Variants in VWA8 observed in about 807,000 individuals in gnomAD.
VWA8 encodes the protein von Willebrand factor A domain containing 8.
Under a neutral mutation model 241.5 loss-of-function variants are expected in VWA8, and 221 were observed. The observed-to-expected ratio is 0.91, with a 90% CI of 0.82 to 1.02. VWA8 has a LOEUF of 1.02. Ranked by LOEUF, VWA8 falls within the 50% of genes least tolerant of loss-of-function variation. The pLI, the probability that VWA8 is intolerant of heterozygous loss-of-function variation, is 0.00. For missense variants in VWA8, 2,322 were observed against 2,328.7 expected, an observed-to-expected ratio of 1.00 and a Z score of 0.06; for synonymous variants, 852 against 827.1, an observed-to-expected ratio of 1.03 and a Z score of -0.52.
At chr13:41,958,938 C>T (rs1371537959) in intron 1 of VWA8, among the ~76,000 whole-genome samples, 1 of 152,172 alleles carries the variant, frequency 6.6e-6, no homozygotes, top group Non-Finnish European at 1.5e-5. Flanking sequence ...ACTTTAAAAA[C>T]TCACACCCAC....
chr13:41,782,364 T>C (rs1341935834), intron 19 of VWA8, among the ~76,000 whole-genome samples: 1 of 152,102 alleles, frequency 6.6e-6, no homozygotes, highest in African/African-American at 2.4e-5. Flanking sequence ...TCTCTTTGTC[T>C]CTTTGTTCTT....
At chr13:41,903,996 G>A (rs548143553) in intron 4 of VWA8, among the ~76,000 whole-genome samples, 1 of 152,266 alleles carries the variant, frequency 6.6e-6, no homozygotes, top group African/African-American at 2.4e-5. Flanking sequence ...AATAACAGAT[G>A]CTCATCAGAA....
At chr13:41,933,036 G>A (rs935518054) in intron 2 of VWA8, among the ~76,000 whole-genome samples, 1 of 151,844 alleles carries the variant, frequency 6.6e-6, no homozygotes, top group African/African-American at 2.4e-5. Context: ...GATTGGAAAG[G>A]AAAAAGTAGA....
At chr13:41,707,835 C>T (rs1305023907) in intron 26 of VWA8, among the ~76,000 whole-genome samples, 1 of 152,104 alleles carries the variant, frequency 6.6e-6, no homozygotes, top group Non-Finnish European at 1.5e-5. Flanking sequence ...TCCCAAGTGC[C>T]AATTCAAATG....
intron 13 of VWA8, among the ~76,000 whole-genome samples, chr13:41,831,578 T>C (rs542536335): frequency 6.6e-6 from 1 of 151,562 alleles, no homozygotes; most frequent in Non-Finnish European, 1.5e-5. Context: ...AGACCAATTA[T>C]ATCAGAAAAT....
intron 24 of VWA8, among the ~76,000 whole-genome samples, chr13:41,725,310 G>A (rs1451361563): frequency 1.3e-5 from 2 of 152,140 alleles, no homozygotes; most frequent in African/African-American, 4.8e-5. Flanking sequence ...ATTGGATTTG[G>A]TGTAGTAGAG....
intron 14 of VWA8, among the ~76,000 whole-genome samples, chr13:41,825,000 C>G (rs1016109224): frequency 6.6e-6 from 1 of 152,010 alleles, no homozygotes; most frequent in Non-Finnish European, 1.5e-5. Flanking sequence ...ACCCTGGGAG[C>G]TACCAATTTA....
intron 36 of VWA8, among the ~76,000 whole-genome samples, chr13:41,674,300 C>T (rs1338280350): frequency 1.3e-5 from 2 of 152,106 alleles, no homozygotes; most frequent in African/African-American, 4.8e-5. Flanking sequence ...TTTTGGGTGA[C>T]TGACAGATTC....
chr13:41,946,139 T>C (rs1406829523), intron 2 of VWA8, among the ~76,000 whole-genome samples: 1 of 147,734 alleles, frequency 6.8e-6, no homozygotes, highest in Non-Finnish European at 1.5e-5. Context: ...AAAAAAAACC[T>C]GTCAACCAAG....
chr13:41,723,117 G>A (rs746171046), intron 24 of VWA8, among the ~76,000 whole-genome samples: 1 of 152,168 alleles, frequency 6.6e-6, no homozygotes, highest in Non-Finnish European at 1.5e-5. Context: ...AAGAATATCT[G>A]AAGAGCAAAC....
At chr13:41,878,371 AG>A (rs776133130) in intron 9 of VWA8, among the ~76,000 whole-genome samples, 2 of 152,030 alleles carry the variant, frequency 1.3e-5, no homozygotes, top group African/African-American at 2.4e-5. Context: ...CAGACCACAT[AG>A]ACTTCCCAGA....
chr13:41,639,790 G>A (rs12873018), intron 37 of VWA8, among the ~76,000 whole-genome samples: 4,788 of 152,168 alleles, frequency 0.031, 77 homozygotes, highest in South Asian at 0.063. Context: ...GGAGGAGGGT[G>A]AGGATCAAAA....
At chr13:41,774,221 C>G (rs1868481268) in intron 20 of VWA8, among the ~76,000 whole-genome samples, 1 of 151,736 alleles carries the variant, frequency 6.6e-6, no homozygotes, top group South Asian at 2.1e-4. Context: ...CTCACTGCAG[C>G]CTCCGTCTCC....
At chr13:41,841,217 T>C (rs1344516000) in intron 12 of VWA8, among the ~76,000 whole-genome samples, 4 of 152,168 alleles carry the variant, frequency 2.6e-5, no homozygotes, top group South Asian at 2.1e-4. Flanking sequence ...CATGAATAGA[T>C]TGCAGTTAAT....
chr13:41,890,926 A>T (rs1433174864), intron 5 of VWA8, among the ~76,000 whole-genome samples: 1 of 152,160 alleles, frequency 6.6e-6, no homozygotes, highest in African/African-American at 2.4e-5. Context: ...TCGGCATGTG[A>T]TGCTGGTGGC....
Position 41,567,278 on chromosome 13 carries a change from A to AATC in VWA8, c.*916_*918dup, listed in dbSNP as rs1193577785. The AATC allele has an allele frequency of 2.0e-5, 3 of 152,250 alleles. No individual in the cohort carries two copies. Among genetic ancestry groups the AATC allele is most frequent in the South Asian group, 2.1e-4 (1 of 4,830 alleles). The allele number at this position is 152,250 out of a possible 1,614,324, so 9.4% of individuals were successfully genotyped here. On this transcript the variant is annotated 3_prime_UTR_variant, in exon 45 of 45. Transcript: ENST00000379310. ...CTTTTTGTTACAGCTAAAAATTTCC[A>AATC]ATCACCATTCACTTCAAATATACCA...
At chr13:41,806,478 C>A (rs747145313) in intron 17 of VWA8, among the ~76,000 whole-genome samples, 1 of 151,852 alleles carries the variant, frequency 6.6e-6, no homozygotes, top group Non-Finnish European at 1.5e-5. Flanking sequence ...CTGAGGCCAG[C>A]GGATCACAAG....
At chr13:41,934,959 T>C (rs771548506) in intron 2 of VWA8, among the ~76,000 whole-genome samples, 9 of 152,226 alleles carry the variant, frequency 5.9e-5, no homozygotes, top group Non-Finnish European at 1.2e-4. Context: ...ATTAATAGTG[T>C]CTATTTAGGC....
At chr13:41,810,990 G>A (rs536608741) in intron 17 of VWA8, among the ~76,000 whole-genome samples, 89 of 152,048 alleles carry the variant, frequency 5.9e-4, no homozygotes, top group Non-Finnish European at 1.0e-3. Context: ...TCTGCAGGCT[G>A]TACAGGAAGC....
Sources: allele counts gnomAD v4.1 joint callset (sites outside exome capture counted in the v4.1 genomes callset), GRCh38; gene constraint gnomAD v4.1.1; transcripts MANE v1.5; gene names NCBI Gene and HGNC (gene_info 2026-07-23, HGNC 2026-07-21).